DIP2C: variants seen among roughly 807,000 people sequenced by gnomAD.
DIP2C encodes disco-interacting protein 2 homolog C.
DIP2C carries 33 observed loss-of-function variants against 192.4 expected under a neutral mutation model. The observed-to-expected ratio is 0.17, with a 90% CI of 0.13 to 0.23. The LOEUF (loss-of-function observed/expected upper bound fraction) is 0.23. DIP2C is among the 10% of genes least tolerant of loss of function. DIP2C has a pLI of 1.00. For synonymous variants in DIP2C, 979 were observed against 864.1 expected (o/e 1.13, Z -2.33); for missense variants, 1,537 against 2,110.1 (o/e 0.73, Z 5.32).
At chr10:531,024 T>A (rs1588400585) in intron 1 of DIP2C, among the ~76,000 whole-genome samples, 1 of 151,696 alleles carries the variant, frequency 6.6e-6, no homozygotes. Flanking sequence ...GAGCATCCTT[T>A]CCCGCCAAAA....
In DIP2C at chr10:402,377, C is replaced by T. The variant is rs1352851177; in HGVS notation, c.1150-3158G>A. ...CAAGTTTGGTACGTTTTCATCAGCA[C>T]ATGAATCCTGTGATTTTACACGTGT... On this transcript the variant is annotated intron_variant, in intron 9 of 36. Coordinates refer to ENST00000280886, the MANE Select transcript of DIP2C (RefSeq NM_014974.3). 3.6e-4 allele frequency among the ~76,000 whole-genome samples: 4 copies of T among 11,078 alleles called. 1 individual carries two copies. Among genetic ancestry groups the T allele is most frequent in the African/African-American group, 4.0e-4 (4 of 9,986 alleles). 7.3% of individuals were successfully genotyped at this position (11,078 alleles called of 152,430 possible). A position where few individuals can be genotyped will look rare whatever the true frequency, so the allele number is the denominator to read the frequency against.
intron 1 of DIP2C, among the ~76,000 whole-genome samples, chr10:514,990 G>A (rs980458727): frequency 3.3e-5 from 5 of 152,082 alleles, no homozygotes; most frequent in East Asian, 1.9e-4. Context: ...CAATTTTTAC[G>A]TCCACGTTCT....
Position 296,968 on chromosome 10 carries a change from C to T in DIP2C, c.3987-8547G>A, listed in dbSNP as rs1419796154. ...CGAGTTAATGGGTGCAGCATACCAA[C>T]GTGGCACATGTATACATATGTAACA... On this transcript the variant is annotated intron_variant, in intron 32 of 36. Coordinates refer to ENST00000280886, the MANE Select transcript of DIP2C (RefSeq NM_014974.3). Among the ~76,000 whole-genome samples the T allele has an allele frequency of 2.6e-5, 4 of 151,464 alleles. No homozygotes were observed. The South Asian group carries it at 8.4e-4, about 32-fold the overall frequency.
chr10:644,219 A>G (rs921884633), intron 1 of DIP2C, among the ~76,000 whole-genome samples: 2 of 152,230 alleles, frequency 1.3e-5, no homozygotes, highest in Non-Finnish European at 2.9e-5. Context: ...CTGCAGACCA[A>G]GGCAGGTGGC....
At chr10:510,452 G>A (rs1040167326) in intron 1 of DIP2C, among the ~76,000 whole-genome samples, 6 of 152,194 alleles carry the variant, frequency 3.9e-5, no homozygotes, top group Admixed American at 6.5e-5. Context: ...GTGCACTGCC[G>A]TATGTGGACC....
rs11251874 is a variant in DIP2C, at chr10:351,969, T to C, written c.2986-2515A>G. 1.6e-3 allele frequency among the ~76,000 whole-genome samples: 248 copies of C among 152,290 alleles called. 2 individuals carry two copies. The highest frequency in any genetic ancestry group is 5.8e-3 in the African/African-American group (242 of 41,572). ...GGAAAACCAGCACACCACCCATCGCTGTGAGCATGGACGCGTCTCAGAGAA... is the reference window on the plus strand; with the variant it reads ...GGAAAACCAGCACACCACCCATCGCCGTGAGCATGGACGCGTCTCAGAGAA... On this transcript the variant is annotated intron_variant, in intron 24 of 36. Coordinates refer to ENST00000280886, the MANE Select transcript of DIP2C (RefSeq NM_014974.3).
chr10:550,581 G>T (rs915308107), intron 1 of DIP2C, among the ~76,000 whole-genome samples: 1 of 152,100 alleles, frequency 6.6e-6, no homozygotes, highest in Non-Finnish European at 1.5e-5. Flanking sequence ...ACAACAATCA[G>T]ATCTGTGACC....
chr10:468,456 A>T (rs1418661435), intron 3 of DIP2C, among the ~76,000 whole-genome samples: 2 of 152,104 alleles, frequency 1.3e-5, no homozygotes, highest in Non-Finnish European at 2.9e-5. Flanking sequence ...CCAATCAGTC[A>T]TTATTGATTA....
chr10:548,597 G>A (rs80293782), intron 1 of DIP2C, among the ~76,000 whole-genome samples: 2,800 of 148,538 alleles, frequency 0.019, 115 homozygotes, highest in East Asian at 0.15. Context: ...CAGAGGTGAC[G>A]TGGCAAGGGT....
intron 1 of DIP2C, among the ~76,000 whole-genome samples, chr10:519,265 G>A (rs1846547964): frequency 6.6e-6 from 1 of 152,226 alleles, no homozygotes; most frequent in Admixed American, 6.5e-5. Context: ...AAGCTGTGAA[G>A]CTGCCAACAG....
intron 2 of DIP2C, among the ~76,000 whole-genome samples, chr10:477,061 A>G (rs1235736886): frequency 1.3e-5 from 2 of 150,602 alleles, no homozygotes; most frequent in African/African-American, 2.4e-5. Flanking sequence ...CTAGAATTAC[A>G]GCAAGACCAC....
intron 1 of DIP2C, among the ~76,000 whole-genome samples, chr10:534,922 C>T (rs1484013686): frequency 1.3e-5 from 2 of 151,556 alleles, no homozygotes; most frequent in Admixed American, 6.6e-5. Flanking sequence ...ATGATCCACC[C>T]GCCTCGGCCT....
chr10:648,374 G>A (rs563379634), intron 1 of DIP2C, among the ~76,000 whole-genome samples: 23 of 151,576 alleles, frequency 1.5e-4, no homozygotes, highest in African/African-American at 4.6e-4. Flanking sequence ...CTGAGTCCAC[G>A]TCCACACTGG....
At chr10:479,428 G>C (rs1015812725) in intron 2 of DIP2C, among the ~76,000 whole-genome samples, 1 of 149,026 alleles carries the variant, frequency 6.7e-6, no homozygotes, top group Non-Finnish European at 1.5e-5. Flanking sequence ...CTGCCTCCCA[G>C]GTTCAAGTGA....
intron 1 of DIP2C, among the ~76,000 whole-genome samples, chr10:568,051 C>T (rs1362970955): frequency 2.0e-5 from 3 of 152,216 alleles, no homozygotes; most frequent in Admixed American, 6.5e-5. Context: ...GCTGCATCCC[C>T]GCAGTTCTCT....
intron 32 of DIP2C, among the ~76,000 whole-genome samples, chr10:298,356 G>A (rs1280156356): frequency 1.3e-5 from 2 of 152,208 alleles, no homozygotes; most frequent in East Asian, 1.9e-4. Flanking sequence ...CTTTAGAGAT[G>A]AGCGCCCTTC....
intron 17 of DIP2C, among the ~76,000 whole-genome samples, chr10:379,606 ACTT>A (rs1191970848): frequency 6.6e-6 from 1 of 152,138 alleles, no homozygotes; most frequent in Non-Finnish European, 1.5e-5. Flanking sequence ...TGATTTATCT[ACTT>A]TTTTGTTTTC....
At chr10:393,355 A>T (rs906185343) in intron 10 of DIP2C, among the ~76,000 whole-genome samples, 2 of 152,230 alleles carry the variant, frequency 1.3e-5, no homozygotes, top group African/African-American at 4.8e-5. Flanking sequence ...GTTAAAAATA[A>T]GAAAAGTTCT....
intron 6 of DIP2C, among the ~76,000 whole-genome samples, chr10:417,255 G>A (rs1305850470): frequency 6.6e-6 from 1 of 152,122 alleles, no homozygotes; most frequent in African/African-American, 2.4e-5. Flanking sequence ...GTGTGACCCA[G>A]AATCACCCTC....
Sources: gnomAD v4.1 joint callset for allele counts (sites outside exome capture counted in the v4.1 genomes callset) on GRCh38, gnomAD v4.1.1 for gene constraint, MANE v1.5 for transcripts, NCBI Gene and HGNC (gene_info 2026-07-23, HGNC 2026-07-21) for gene names.